The following QRICH2 variants were observed in gnomAD, a reference collection of about 807,000 sequenced individuals.
The protein encoded by QRICH2 is glutamine rich 2, also known as glutamine-rich protein 2.
A neutral mutation model predicts 168.3 loss-of-function variants in QRICH2; 119 were observed. The ratio of observed to expected loss-of-function variants is 0.71; its 90% confidence interval spans 0.61 to 0.82. QRICH2 has a LOEUF of 0.82. QRICH2 is among the 40% of genes least tolerant of loss of function. The pLI, the probability that QRICH2 is intolerant of heterozygous loss-of-function variation, is 0.00. For synonymous variants in QRICH2, 894 were observed against 951.2 expected (o/e 0.94, Z 1.11); for missense variants, 2,241 against 2,491.6 (o/e 0.90, Z 2.14).
In QRICH2 at chr17:76,291,395, G is replaced by A; in HGVS notation, c.3332C>T (p.Pro1111Leu). 1 of 1,614,088 alleles carries A rather than the reference G, an allele frequency of 6.2e-7. No individual in the cohort carries two copies. Among genetic ancestry groups the A allele is most frequent in the East Asian group, 2.2e-5 (1 of 44,884 alleles). The change falls in exon 4 of 19, where the codon CCT becomes CTT. Residue 1111 changes from proline (P) to leucine (L), a missense_variant. Coordinates refer to ENST00000680821, the MANE Select transcript of QRICH2 (RefSeq NM_001388453.1). ...SLFDSHDSMYPGYRGPGYLSA... is the reference protein window; with the variant it reads ...SLFDSHDSMYLGYRGPGYLSA... ...TAGATACCCTGGGCCACGATAACCA[G>A]GATACATTGAATCATGACTGTCAAA... is the stretch of plus-strand genomic sequence containing the variant.
At chr17:76,306,643 T>C (rs1310192620) in intron 1 of QRICH2, among the ~76,000 whole-genome samples, 2 of 152,146 alleles carry the variant, frequency 1.3e-5, no homozygotes, top group Admixed American at 1.3e-4. Flanking sequence ...GCCCAGCACT[T>C]TGGGAGGCCG....
At chr17:76,294,714 G>C (rs1213411886) in intron 3 of QRICH2, among the ~76,000 whole-genome samples, 1 of 151,062 alleles carries the variant, frequency 6.6e-6, no homozygotes, top group Admixed American at 6.6e-5. Flanking sequence ...TCAGGAGACT[G>C]AGGCAGGAGA....
intron 7 of QRICH2, among the ~76,000 whole-genome samples, chr17:76,285,040 C>T (rs1301076960): frequency 4.0e-5 from 6 of 151,206 alleles, no homozygotes; most frequent in East Asian, 2.0e-4. Flanking sequence ...CTGCAACCTC[C>T]GCCTCCCAGG....
Position 76,277,248 on chromosome 17 carries a change from G to T in QRICH2, c.5180C>A (p.Thr1727Asn). The change falls in exon 16 of 19, where the codon ACC becomes AAC. Residue 1727 changes from threonine to asparagine, a missense_variant. By Grantham distance (65) the Thr-to-Asn change is moderately conservative. This residue lies in a region of QRICH2 where 2,047 missense variants were observed against 2,303.8 expected (regional missense o/e 0.89). Transcript: ENST00000680821. ...GCTGCGGTGGTAGGGGTAGGTGAGG[G>T]TGTGGCTGCCCCCGCAGCGCCGGGG... ...TVPRRCGGSH[T>N]LTYPYHRSRP... 1 of 1,604,430 alleles carries T rather than the reference G, an allele frequency of 6.2e-7. No individual in the cohort carries two copies. Among genetic ancestry groups the T allele is most frequent in the Non-Finnish European group, 8.5e-7 (1 of 1,177,270 alleles).
Position 76,292,927 on chromosome 17 carries a change from C to T in QRICH2, c.1800G>A (p.Leu600=). The part of the protein sequence containing the change: ...LVQPGADQRG[L]VRPGMDQSGL... ...CAGACTGATCCATTCCAGGCCGGAC[C>T]AAACCACGCTGATCTGCACCAGGTT... Residue 600 remains leucine (L), a synonymous_variant, in exon 4 of 19, where the codon TTG becomes TTA. Coordinates refer to ENST00000680821, the MANE Select transcript of QRICH2 (RefSeq NM_001388453.1). 1 of 1,613,502 alleles carries T rather than the reference C, an allele frequency of 6.2e-7. No homozygotes were observed.
At chr17:76,279,763 G>A (rs1397458166) in intron 12 of QRICH2, among the ~76,000 whole-genome samples, 1 of 152,200 alleles carries the variant, frequency 6.6e-6, no homozygotes, top group African/African-American at 2.4e-5. Context: ...TGGGTACTGA[G>A]GACCTCTCCC....
intron 3 of QRICH2, among the ~76,000 whole-genome samples, chr17:76,297,878 T>TG (rs2070825530): frequency 7.9e-6 from 1 of 127,290 alleles, no homozygotes; most frequent in African/African-American, 3.0e-5. Flanking sequence ...CTGTTTTTTT[T>TG]TTTTTTTTTT....
chr17:76,305,000 T>C, intron 1 of QRICH2, 59 bp from the exon 2 acceptor site: 3 of 1,113,724 alleles, frequency 2.7e-6, no homozygotes, highest in Non-Finnish European at 4.1e-6. Context: ...CACACTCACA[T>C]GCACACACAC....
At chr17:76,286,153 C>T (rs969236444) in intron 7 of QRICH2, among the ~76,000 whole-genome samples, 9 of 148,680 alleles carry the variant, frequency 6.1e-5, no homozygotes, top group Non-Finnish European at 8.9e-5. Flanking sequence ...CCAGCCTAGG[C>T]GAGAGAGCAA....
At chr17:76,282,344 C>CCAGA (rs2070805363) in intron 7 of QRICH2, among the ~76,000 whole-genome samples, 1 of 152,186 alleles carries the variant, frequency 6.6e-6, no homozygotes, top group Non-Finnish European at 1.5e-5. Flanking sequence ...CAAGCCCTTG[C>CCAGA]CAGAAGAAGG....
intron 5 of QRICH2, among the ~76,000 whole-genome samples, chr17:76,288,632 G>C (rs547759591): frequency 2.6e-5 from 4 of 151,666 alleles, no homozygotes; most frequent in East Asian, 3.9e-4. Flanking sequence ...TTGAACCCAG[G>C]GGGCAGAGGT....
Position 76,276,766 on chromosome 17 carries a change from T to C in QRICH2, c.5267A>G (p.His1756Arg), listed in dbSNP as rs372811831. 1.4e-5 allele frequency: 22 copies of C among 1,610,896 alleles called. No homozygotes were observed. Among genetic ancestry groups the C allele is most frequent in the Non-Finnish European group, 1.7e-6 (2 of 1,178,992 alleles). Residue 1756 changes from histidine to arginine, a missense_variant and splice_region_variant, in exon 17 of 19, where the codon CAT becomes CGT. His to Arg is a conservative substitution (Grantham distance 29). Around this residue, in one of 3 missense-constraint regions of QRICH2, gnomAD observed 5 missense variants for 18.5 expected, o/e 0.27. Transcript: ENST00000680821. ...CAGGCCCAAGATGTCCACCTCATCA[T>C]GCTGTAGAAGTGAACAGATACCGTC... ...PTEEIQIAMK[H>R]DEVDILGLDG...
chr17:76,303,944 C>T (rs992629055), intron 3 of QRICH2, among the ~76,000 whole-genome samples: 1 of 151,012 alleles, frequency 6.6e-6, no homozygotes. Context: ...CAGGGTCTGT[C>T]ACCATGGTCC....
chr17:76,306,696 C>T (rs1053802246), intron 1 of QRICH2, among the ~76,000 whole-genome samples: 13 of 152,064 alleles, frequency 8.5e-5, no homozygotes, highest in Non-Finnish European at 1.6e-4. Context: ...AGACCAGCCC[C>T]GCCAACATGG....
chr17:76,281,750 G>T lies in QRICH2; in HGVS notation c.4263+114C>A. 3 of 1,341,224 alleles carry T rather than the reference G, an allele frequency of 2.2e-6. No individual in the cohort carries two copies. Among genetic ancestry groups the T allele is most frequent in the Non-Finnish European group, 3.1e-6 (3 of 963,196 alleles). The allele number at this position is 1,341,224 out of a possible 1,614,324, so 83.1% of individuals were successfully genotyped here. On this transcript the variant is annotated intron_variant, in intron 8 of 18. Transcript: ENST00000680821. The surrounding 1 kb of genome is among the most constrained non-coding windows in gnomAD (Gnocchi z 4.4). ...TCTGGCTAAAGGGCTCCGCCACGGA[G>T]AGCTGACCTTGAGGCCCAAACACCC...
In QRICH2 at chr17:76,275,829, G is replaced by A. The variant is rs764580811; in HGVS notation, c.5472C>T (p.Gly1824=). The stretch of plus-strand genomic sequence containing the variant: ...CCAGAGGGAAGCTACCTGAGGTGTT[G>A]CCAGCCGAAATCTGGGCGCTCTGTG... ...SRPQSAQISA[G]NTSVSSRQQK... is the part of the protein sequence containing the mutation. The change falls in exon 18 of 19, where the codon GGC becomes GGT. Residue 1824 remains glycine (G), a synonymous_variant. Coordinates refer to ENST00000680821, the MANE Select transcript of QRICH2 (RefSeq NM_001388453.1). 3.7e-6 allele frequency: 6 copies of A among 1,606,162 alleles called. No homozygotes were observed. In the East Asian group the frequency reaches 6.7e-5, roughly 18 times the overall value.
chr17:76,278,932 C>G (rs2070736850), intron 14 of QRICH2, 109 bp downstream of exon 14: 1 of 896,260 alleles, frequency 1.1e-6, no homozygotes, highest in African/African-American at 1.6e-5. Context: ...ACAGCACTGC[C>G]TTCTGTCACG....
At chr17:76,294,541 G>C (rs762061123) in intron 3 of QRICH2, among the ~76,000 whole-genome samples, 2 of 152,018 alleles carry the variant, frequency 1.3e-5, no homozygotes, top group Admixed American at 6.6e-5. Flanking sequence ...GGCCAGGTGC[G>C]GTGGCTTATG....
At position 76,291,252 on chromosome 17, in the gene QRICH2, C is replaced by A; in HGVS notation, c.3475G>T (p.Asp1159Tyr). ...GQDVTLFRSP[D>Y]SVDRVLSEGS... ...TCTGATAAGACTCGGTCGACGGAGT[C>A]TGGACTCCTGAAAAGAGTGACATCT... Residue 1159 changes from aspartate (D) to tyrosine (Y), a missense_variant, in exon 4 of 19, where the codon GAC (aspartate) becomes TAC (tyrosine). Transcript: ENST00000680821. 6.2e-7 allele frequency: 1 copy of A among 1,614,212 alleles called. No individual in the cohort carries two copies. The highest frequency in any genetic ancestry group is 1.1e-5 in the South Asian group (1 of 91,092).
Sources: gnomAD v4.1 joint callset for allele counts (sites outside exome capture counted in the v4.1 genomes callset) on GRCh38, gnomAD v4.1.1 for gene constraint, gnomAD v4.1.1 regional missense constraint, Gnocchi (gnomAD v3.1) non-coding constraint, MANE v1.5 for transcripts, NCBI Gene and HGNC (gene_info 2026-07-23, HGNC 2026-07-21) for gene names.